Variants in GFPT2 observed in about 807,000 individuals in gnomAD.
GFPT2 encodes the protein glutamine--fructose-6-phosphate aminotransferase [isomerizing] 2.
A neutral mutation model predicts 85.6 loss-of-function variants in GFPT2; 62 were observed. That is an observed-to-expected ratio of 0.72 (90% confidence interval 0.59 to 0.90). GFPT2 has a LOEUF of 0.90. Ranked by LOEUF, GFPT2 falls within the 40% of genes least tolerant of loss-of-function variation. The pLI, the probability that GFPT2 is intolerant of heterozygous loss-of-function variation, is 0.00. For synonymous variants in GFPT2, 368 were observed against 344.5 expected (o/e 1.07, Z -0.75); for missense variants, 788 against 893.4 (o/e 0.88, Z 1.50).
At position 180,353,307 on chromosome 5, in the gene GFPT2, T is replaced by A; in HGVS notation, c.-90A>T. 24 of 991,712 alleles carry A rather than the reference T, an allele frequency of 2.4e-5. No homozygotes were observed. Among genetic ancestry groups the A allele is most frequent in the Middle Eastern group, 3.2e-4 (1 of 3,152 alleles). 61.4% of individuals were successfully genotyped at this position (991,712 alleles called of 1,614,324 possible). On this transcript the variant is annotated 5_prime_UTR_variant, in exon 1 of 19. Transcript: ENST00000253778. ...TCCGTGGGCTCCTCCGTGGGCTCCG[T>A]GGGCTCCGTGGGCTCCGCGGGCTCC...
intron 13 of GFPT2, among the ~76,000 whole-genome samples, chr5:180,315,278 C>T (rs1367693652): frequency 6.6e-6 from 1 of 151,950 alleles, no homozygotes; most frequent in Non-Finnish European, 1.5e-5. Flanking sequence ...CCCGGGTTCA[C>T]GCCATTCTCC....
At chr5:180,303,201 G>C (rs1168786860) in intron 17 of GFPT2, among the ~76,000 whole-genome samples, 1 of 148,126 alleles carries the variant, frequency 6.8e-6, no homozygotes, top group African/African-American at 2.5e-5. Flanking sequence ...CTGCACTCCA[G>C]CCTGGGCGAC....
intron 1 of GFPT2, among the ~76,000 whole-genome samples, chr5:180,351,728 C>A (rs1311315800): frequency 6.6e-6 from 1 of 151,972 alleles, no homozygotes; most frequent in South Asian, 2.1e-4. Flanking sequence ...GGAGGTAGAG[C>A]CCCCCCAAAG....
In GFPT2 at chr5:180,313,930, G is replaced by A. The variant is rs749984616; in HGVS notation, c.1308C>T (p.Tyr436=). The change falls in exon 14 of 19, where the codon TAC becomes TAT. Residue 436 remains tyrosine, a synonymous_variant. Transcript: ENST00000253778. ...ETADTLLALR[Y]CKDRGALTVG... The stretch of plus-strand genomic sequence containing the variant: ...CGGTGAGAGCGCCGCGGTCCTTACA[G>A]TAGCGCAGCGCCAGGAGGGTGTCCG... 6.2e-7 allele frequency: 1 copy of A among 1,603,978 alleles called. No homozygotes were observed. Among genetic ancestry groups the A allele is most frequent in the Non-Finnish European group, 8.5e-7 (1 of 1,179,294 alleles).
intron 10 of GFPT2, among the ~76,000 whole-genome samples, chr5:180,317,773 A>C (rs1764043124): frequency 6.6e-6 from 1 of 151,608 alleles, no homozygotes; most frequent in Non-Finnish European, 1.5e-5. Flanking sequence ...AAAAAAAAAA[A>C]AAAACCTTTC....
At chr5:180,320,604 C>G (rs138272746) in intron 9 of GFPT2, among the ~76,000 whole-genome samples, 1 of 152,058 alleles carries the variant, frequency 6.6e-6, no homozygotes, top group Admixed American at 6.6e-5. Flanking sequence ...AAAACCCCGT[C>G]TCTACTAAAA....
intron 2 of GFPT2, among the ~76,000 whole-genome samples, chr5:180,337,721 G>A (rs968824333): frequency 2.0e-5 from 3 of 151,990 alleles, no homozygotes; most frequent in Non-Finnish European, 2.9e-5. Context: ...TCTACAACTC[G>A]ATGAGCTTGG....
intron 8 of GFPT2, chr5:180,324,596 A>T: frequency 1.7e-6 from 1 of 593,666 alleles, no homozygotes. Flanking sequence ...TTGACAATAT[A>T]CAAAATCATG....
intron 13 of GFPT2, among the ~76,000 whole-genome samples, chr5:180,315,383 TG>T (rs1763987293): frequency 7.2e-5 from 11 of 152,172 alleles, no homozygotes; most frequent in Admixed American, 3.9e-4. Flanking sequence ...TTTCACTGTG[TG>T]AGCCAGGATG....
intron 16 of GFPT2, 139 bp from the exon 17 acceptor site, chr5:180,305,078 GGAGTGCTT>G: frequency 1.5e-6 from 1 of 683,018 alleles, no homozygotes; most frequent in South Asian, 1.7e-5. Flanking sequence ...ACAGATGCCT[GGAGTGCTT>G]GACAGCACTG....
At chr5:180,311,193 A>G (rs1763874287) in intron 15 of GFPT2, among the ~76,000 whole-genome samples, 1 of 152,188 alleles carries the variant, frequency 6.6e-6, no homozygotes. Flanking sequence ...CACTCCCCAG[A>G]AGCCCCATGA....
At chr5:180,312,133 GAGGACCAGGGAGGCA>G (rs1391855516) in intron 15 of GFPT2, among the ~76,000 whole-genome samples, 3,673 of 92,980 alleles carry the variant, frequency 0.04, 741 homozygotes, top group African/African-American at 0.054. Flanking sequence ...CGGGGAGGCT[GAGGACCAGGGAGGCA>G]GGGAGGCTGA....
At chr5:180,349,671 T>A (rs1036141027) in intron 1 of GFPT2, among the ~76,000 whole-genome samples, 1 of 152,010 alleles carries the variant, frequency 6.6e-6, no homozygotes, top group African/African-American at 2.4e-5. Context: ...TACCTTGATC[T>A]GGGCCAAGTA....
chr5:180,332,891 A>G (rs1764330762), intron 4 of GFPT2, among the ~76,000 whole-genome samples: 2 of 152,260 alleles, frequency 1.3e-5, no homozygotes, highest in South Asian at 2.1e-4. Context: ...GTTTTCCTTC[A>G]GTTCGGGAAA....
At chr5:180,310,103 C>A (rs1763851343) in intron 15 of GFPT2, among the ~76,000 whole-genome samples, 1 of 151,624 alleles carries the variant, frequency 6.6e-6, no homozygotes, top group Non-Finnish European at 1.5e-5. Context: ...AGCCACCGTG[C>A]CCAGCCTTTT....
At chr5:180,309,272 G>A (rs1281713776) in intron 15 of GFPT2, among the ~76,000 whole-genome samples, 1 of 152,078 alleles carries the variant, frequency 6.6e-6, no homozygotes, top group African/African-American at 2.4e-5. Flanking sequence ...GTTTATCATT[G>A]GCAACAAATA....
In GFPT2 at chr5:180,353,326, G is replaced by A. The variant is rs1022640774; in HGVS notation, c.-109C>T. On this transcript the variant is annotated 5_prime_UTR_variant, in exon 1 of 19. Coordinates refer to ENST00000253778, the MANE Select transcript of GFPT2 (RefSeq NM_005110.4). ...GCTCCGTGGGCTCCGTGGGCTCCGC[G>A]GGCTCCAGCTCCCGTCCGCTCGGCC... 6.0e-6 allele frequency: 5 copies of A among 829,896 alleles called. No homozygotes were observed. The highest frequency in any genetic ancestry group is 6.2e-6 in the Non-Finnish European group (4 of 646,940). 51.4% of individuals were successfully genotyped at this position (829,896 alleles called of 1,614,324 possible).
chr5:180,307,274 C>T lies in GFPT2; in HGVS notation c.1576G>A (p.Glu526Lys), dbSNP rs1344843559. The T allele has an allele frequency of 1.4e-5, 22 of 1,608,828 alleles. No individual in the cohort carries two copies. Among genetic ancestry groups the T allele is most frequent in the Non-Finnish European group, 1.8e-5 (21 of 1,177,818 alleles). ...ELIKEVLSLE[E>K]KIHDLALELY... is the part of the protein sequence containing the mutation. ...TCCAGGGCCAAGTCGTGGATCTTCTCCTCCAGAGACAGCACTTCCTTGATC... is the reference window on the plus strand; with the variant it reads ...TCCAGGGCCAAGTCGTGGATCTTCTTCTCCAGAGACAGCACTTCCTTGATC... Residue 526 changes from glutamate to lysine, a missense_variant, in exon 16 of 19, where the codon GAG becomes AAG. By Grantham distance (56) the Glu-to-Lys change is moderately conservative. Transcript: ENST00000253778.
chr5:180,346,135 T>C lies in GFPT2; in HGVS notation c.7+7076A>G, dbSNP rs528521524. Among the ~76,000 whole-genome samples the C allele has an allele frequency of 3.9e-4, 60 of 152,100 alleles. 2 individuals are homozygous for C. The South Asian group carries it at 0.011, about 28-fold the overall frequency. On this transcript the variant is annotated intron_variant, in intron 1 of 18. Coordinates refer to ENST00000253778, the MANE Select transcript of GFPT2 (RefSeq NM_005110.4). ...ATGCCAACCCTTCCCGAGCTTCACCTCCTCTAATCCTCATGACATCCTGTG... is the reference window on the plus strand; with the variant it reads ...ATGCCAACCCTTCCCGAGCTTCACCCCCTCTAATCCTCATGACATCCTGTG...
Sources: allele counts gnomAD v4.1 joint callset (sites outside exome capture counted in the v4.1 genomes callset), GRCh38; gene constraint gnomAD v4.1.1; transcripts MANE v1.5; gene names NCBI Gene and HGNC (gene_info 2026-07-23, HGNC 2026-07-21).